The following TMEM179 variants were observed in gnomAD, a reference collection of about 807,000 sequenced individuals.
TMEM179 encodes the protein transmembrane protein 179.
Under a neutral mutation model 22.2 loss-of-function variants are expected in TMEM179, and 17 were observed. That is an observed-to-expected ratio of 0.77 (90% confidence interval 0.52 to 1.15). The LOEUF (loss-of-function observed/expected upper bound fraction) is 1.15. TMEM179 is among the 50% of genes most tolerant of loss of function. The pLI is 0.00. For synonymous variants in TMEM179, 127 were observed against 140.5 expected (o/e 0.90, Z 0.68); for missense variants, 265 against 313.6 (o/e 0.84, Z 1.17).
intron 1 of TMEM179, among the ~76,000 whole-genome samples, chr14:104,599,559 C>T (rs1887168555): frequency 6.6e-6 from 1 of 152,220 alleles, no homozygotes; most frequent in Non-Finnish European, 1.5e-5. Context: ...GTTCTGAACC[C>T]CAAAATCCAT....
At chr14:104,594,988 C>G in intron 3 of TMEM179, 177 bp downstream of exon 3, 1 of 1,479,266 alleles carries the variant, frequency 6.8e-7, no homozygotes. Flanking sequence ...CCAGCTCTCC[C>G]CCACCTCCTG....
rs1887056876 is a variant in TMEM179 at position 104,597,159 on chromosome 14, T to G, written c.306-32A>C. The G allele has an allele frequency of 6.4e-7, 1 of 1,557,372 alleles. No homozygotes were observed. The highest frequency in any genetic ancestry group is 1.2e-5 in the South Asian group (1 of 84,764). On this transcript the variant is annotated intron_variant, in intron 1 of 3. Coordinates refer to ENST00000556573, the MANE Select transcript of TMEM179 (RefSeq NM_001286389.2). This position sits in a 1 kb window ranked among gnomAD's most constrained non-coding sequence, Gnocchi z 4.8. Reference sequence around the variant, plus strand: ...CCAGAAACAGGAGGGGCAGGCTCACTGGACACCACCTCCCAGGCGACCCCC... The same window carrying G: ...CCAGAAACAGGAGGGGCAGGCTCACGGGACACCACCTCCCAGGCGACCCCC...
chr14:104,603,541 G>GGCTCACAGAGGGAGTGGGTGA (rs1383236368), intron 1 of TMEM179, among the ~76,000 whole-genome samples: 6 of 137,242 alleles, frequency 4.4e-5, no homozygotes, highest in African/African-American at 1.8e-4. Flanking sequence ...GGAGTGGGTG[G>GGCTCACAGAGGGAGTGGGTGA]GCTCACAGAG....
chr14:104,602,954 A>G (rs188084420), intron 1 of TMEM179, among the ~76,000 whole-genome samples: 12 of 152,320 alleles, frequency 7.9e-5, no homozygotes, highest in Non-Finnish European at 1.6e-4. Context: ...ATCTCAGGAT[A>G]TCTCCCTGAG....
chr14:104,602,846 T>G (rs1887286002), intron 1 of TMEM179, among the ~76,000 whole-genome samples: 1 of 152,202 alleles, frequency 6.6e-6, no homozygotes, highest in Non-Finnish European at 1.5e-5. Flanking sequence ...GTGGGTTGAA[T>G]GGTGTCCCCC....
rs970200407 is a variant in TMEM179 at position 104,592,133 on chromosome 14, C to T, written c.*1346G>A. The T allele has an allele frequency of 9.0e-5, 14 of 155,724 alleles. No homozygotes were observed. Among genetic ancestry groups the T allele is most frequent in the Non-Finnish European group, 8.6e-5 (6 of 70,118 alleles). 9.6% of individuals were successfully genotyped at this position (155,724 alleles called of 1,614,324 possible). A position where few individuals can be genotyped will look rare whatever the true frequency, so the allele number is the denominator to read the frequency against. ...AGAGGGGCTGTCCACACAGCACCCA[C>T]GGCTCCCATCACGCACACAATGCTC... On this transcript the variant is annotated 3_prime_UTR_variant, in exon 4 of 4. Transcript: ENST00000556573.
rs1358172422 is a variant in TMEM179 at position 104,593,548 on chromosome 14, C to T, written c.633G>A (p.Glu211=). ...ACGGCCGGGCCAGCAGCAGCTCCTTCTCGTGGATCAGGCTGTCCAGCAGGT... is the reference window on the plus strand; with the variant it reads ...ACGGCCGGGCCAGCAGCAGCTCCTTTTCGTGGATCAGGCTGTCCAGCAGGT... ...QEDLLDSLIH[E]KELLLARPSP... The change falls in exon 4 of 4, where the codon GAG becomes GAA. Residue 211 remains glutamate, a synonymous_variant. Coordinates refer to ENST00000556573, the MANE Select transcript of TMEM179 (RefSeq NM_001286389.2). The T allele has an allele frequency of 6.5e-7, 1 of 1,534,972 alleles. No individual in the cohort carries two copies. Among genetic ancestry groups the T allele is most frequent in the Non-Finnish European group, 8.7e-7 (1 of 1,146,160 alleles).
chr14:104,604,730 G>T lies in TMEM179; in HGVS notation c.12C>A (p.Asn4Lys), dbSNP rs774988723. 14 of 1,571,398 alleles carry T rather than the reference G, an allele frequency of 8.9e-6. No homozygotes were observed. The East Asian group carries it at 2.1e-4, about 23-fold the overall frequency. Reference protein sequence around the residue: MALNNFLFAQCACY... With the variant: MALKNFLFAQCACY... ...AGGCGCACTGAGCGAAAAGGAAATTGTTGAGCGCCATGGCCGGCCCGGGCG... is the reference window on the plus strand; with the variant it reads ...AGGCGCACTGAGCGAAAAGGAAATTTTTGAGCGCCATGGCCGGCCCGGGCG... The change falls in exon 1 of 4, where the codon AAC (asparagine) becomes AAA (lysine). Residue 4 changes from asparagine (N) to lysine (K), a missense_variant. Asn to Lys is a moderately conservative substitution (Grantham distance 94). Transcript: ENST00000556573. This position sits in a 1 kb window ranked among gnomAD's most constrained non-coding sequence, Gnocchi z 4.6.
In TMEM179 at chr14:104,595,395, T is replaced by C; in HGVS notation, c.444-152A>G. The C allele has an allele frequency of 1.4e-6, 1 of 704,368 alleles. No homozygotes were observed. Among genetic ancestry groups the C allele is most frequent in the Non-Finnish European group, 2.3e-6 (1 of 429,586 alleles). 43.6% of individuals were successfully genotyped at this position (704,368 alleles called of 1,614,324 possible). A position where few individuals can be genotyped will look rare whatever the true frequency, so the allele number is the denominator to read the frequency against. ...GAGTCTCTGGGGACATCACGGAGGG[T>C]TAGCCTCGATGCCTCCTCCATGGAG... On this transcript the variant is annotated intron_variant, in intron 2 of 3. Transcript: ENST00000556573. This position sits in a 1 kb window ranked among gnomAD's most constrained non-coding sequence, Gnocchi z 5.7.
intron 1 of TMEM179, among the ~76,000 whole-genome samples, chr14:104,602,116 C>A (rs969993527): frequency 1.3e-5 from 2 of 152,142 alleles, no homozygotes; most frequent in African/African-American, 4.8e-5. Context: ...CCACGGCTGA[C>A]AGACAGTCAC....
rs760832820 is a variant in TMEM179, at chr14:104,596,973, G to A, written c.443+17C>T. On this transcript the variant is annotated intron_variant, in intron 2 of 3. Transcript: ENST00000556573. ...CGGGGAGGTGGGCGGAGGCCGAGGC[G>A]GGTGGGGCGGGCGCACCTGTGGGGT... 63 of 1,593,840 alleles carry A rather than the reference G, an allele frequency of 4.0e-5. No homozygotes were observed. The East Asian group carries it at 8.9e-4, about 23-fold the overall frequency.
Position 104,595,490 on chromosome 14 carries a change from C to T in TMEM179, c.444-247G>A, listed in dbSNP as rs989459753. 2.6e-5 allele frequency among the ~76,000 whole-genome samples: 4 copies of T among 152,194 alleles called. No homozygotes were observed. Among genetic ancestry groups the T allele is most frequent in the African/African-American group, 9.6e-5 (4 of 41,452 alleles). On this transcript the variant is annotated intron_variant, in intron 2 of 3. Transcript: ENST00000556573. This position sits in a 1 kb window ranked among gnomAD's most constrained non-coding sequence, Gnocchi z 5.7. ...CTGGCCCTGGACAGCCAGAAGACGC[C>T]AGCTCTGCCTCTGCCCTCCTGGACC...
chr14:104,598,076 G>T (rs1336879227), intron 1 of TMEM179, among the ~76,000 whole-genome samples: 2 of 152,208 alleles, frequency 1.3e-5, no homozygotes. Context: ...CGGGCAGGTG[G>T]TCGGGACACC....
chr14:104,599,693 G>A (rs944254639), intron 1 of TMEM179, among the ~76,000 whole-genome samples: 2 of 152,170 alleles, frequency 1.3e-5, no homozygotes, highest in African/African-American at 4.8e-5. Context: ...AGGTGGTGGC[G>A]AGGCACGGCC....
chr14:104,603,520 G>A (rs946113623), intron 1 of TMEM179, among the ~76,000 whole-genome samples: 2 of 142,108 alleles, frequency 1.4e-5, no homozygotes, highest in Non-Finnish European at 3.1e-5. Context: ...GGAGTGGGTG[G>A]GTTCACAGAG....
At chr14:104,598,323 C>T (rs1369792106) in intron 1 of TMEM179, among the ~76,000 whole-genome samples, 1 of 152,198 alleles carries the variant, frequency 6.6e-6, no homozygotes, top group Non-Finnish European at 1.5e-5. Context: ...AGGGGCTGCT[C>T]CCGCCTCTCA....
At position 104,591,066 on chromosome 14, in the gene TMEM179, C is replaced by A; in HGVS notation, c.*2413G>T. ...CTGAGGGACCCTGGAGAGCCCACGA[C>A]CAGGGCCGCCAGCCCCTGCCCAGCA... On this transcript the variant is annotated 3_prime_UTR_variant, in exon 4 of 4. Transcript: ENST00000556573. 7.6e-6 allele frequency: 2 copies of A among 262,736 alleles called. No homozygotes were observed. Among genetic ancestry groups the A allele is most frequent in the South Asian group, 7.1e-5 (2 of 28,186 alleles). The allele number at this position is 262,736 out of a possible 1,614,324, so 16.3% of individuals were successfully genotyped here. A position where few individuals can be genotyped will look rare whatever the true frequency, so the allele number is the denominator to read the frequency against.
rs551165482 is a variant in TMEM179 at position 104,604,232 on chromosome 14, C to T, written c.305+205G>A. On this transcript the variant is annotated intron_variant, in intron 1 of 3. Transcript: ENST00000556573. This position sits in a 1 kb window ranked among gnomAD's most constrained non-coding sequence, Gnocchi z 4.6. ...GGGGAGGGGAGGCACTGGCCTTGTA[C>T]GCAGGACCGGTGGTCGTCATGGTCC... Among the ~76,000 whole-genome samples the T allele has an allele frequency of 6.6e-6, 1 of 152,170 alleles. No homozygotes were observed. The highest frequency in any genetic ancestry group is 1.5e-5 in the Non-Finnish European group (1 of 68,028).
chr14:104,591,334 G>A lies in TMEM179; in HGVS notation c.*2145C>T, dbSNP rs1271318944. ...CCCTCCTTCAGGGCCCTAGATGGCT[G>A]TGGCCTGGATCAGGGCTGGGCAGAG... On this transcript the variant is annotated 3_prime_UTR_variant, in exon 4 of 4. Transcript: ENST00000556573. The A allele has an allele frequency of 4.4e-6, 2 of 455,354 alleles. No homozygotes were observed. Among genetic ancestry groups the A allele is most frequent in the Non-Finnish European group, 4.4e-6 (1 of 226,588 alleles). The allele number at this position is 455,354 out of a possible 1,614,324, so 28.2% of individuals were successfully genotyped here. A position where few individuals can be genotyped will look rare whatever the true frequency, so the allele number is the denominator to read the frequency against.
Sources: gnomAD v4.1 joint callset for allele counts (sites outside exome capture counted in the v4.1 genomes callset) on GRCh38, gnomAD v4.1.1 for gene constraint, Gnocchi (gnomAD v3.1) non-coding constraint, MANE v1.5 for transcripts, NCBI Gene and HGNC (gene_info 2026-07-23, HGNC 2026-07-21) for gene names.